Variants in SLC9A2 observed in about 807,000 individuals in gnomAD.
SLC9A2 encodes the protein sodium/hydrogen exchanger 2.
In SLC9A2, 42 loss-of-function variants were observed where a neutral mutation model predicts 71.7. The ratio of observed to expected loss-of-function variants is 0.59; its 90% CI spans 0.46 to 0.76. SLC9A2 has a LOEUF of 0.76. Ranked by LOEUF, SLC9A2 falls within the 30% of genes least tolerant of loss-of-function variation. The pLI is 0.00. For synonymous variants in SLC9A2, 396 were observed against 392.5 expected (o/e 1.01, Z -0.10); for missense variants, 829 against 1,017.4 (o/e 0.81, Z 2.52).
chr2:102,700,360 A>T (rs1412375676), intron 7 of SLC9A2, among the ~76,000 whole-genome samples: 1 of 152,182 alleles, frequency 6.6e-6, no homozygotes, highest in African/African-American at 2.4e-5. Flanking sequence ...GAGTGGCGGT[A>T]TGAAAGAGGA....
intron 11 of SLC9A2, 132 bp from the exon 12 acceptor site, chr2:102,707,987 A>G: frequency 2.1e-6 from 2 of 951,256 alleles, no homozygotes; most frequent in South Asian, 3.2e-5. Flanking sequence ...TAAAATTAGC[A>G]TAAGCCTGCT....
intron 1 of SLC9A2, among the ~76,000 whole-genome samples, chr2:102,652,412 A>G (rs917957523): frequency 1.3e-5 from 2 of 152,018 alleles, no homozygotes; most frequent in South Asian, 2.1e-4. Context: ...CAGGCCAGTC[A>G]TGCACCTCTT....
At chr2:102,636,152 T>C (rs1283507640) in intron 1 of SLC9A2, among the ~76,000 whole-genome samples, 1 of 152,186 alleles carries the variant, frequency 6.6e-6, no homozygotes, top group Non-Finnish European at 1.5e-5. Context: ...TCCCAATACA[T>C]ACTCATTGAA....
chr2:102,665,346 A>G lies in SLC9A2; in HGVS notation c.1000A>G (p.Met334Val). ...TGAAATGTTTCACCTCTCAGGCATC[A>G]TGGCGTAAGTACTTCTTTGTTAAAA... The part of the protein sequence containing the change: ...TAEMFHLSGI[M>V]AITACAMTMN... Residue 334 changes from methionine to valine, a missense_variant, in exon 3 of 12, where the codon ATG becomes GTG. Physicochemically the swap from Met to Val is conservative, Grantham distance 21 (BLOSUM62 1). Around this residue, in one of 3 missense-constraint regions of SLC9A2, gnomAD observed 500 missense variants for 726.3 expected, o/e 0.69. Transcript: ENST00000233969. 1 of 1,611,634 alleles carries G rather than the reference A, an allele frequency of 6.2e-7. No individual in the cohort carries two copies. The highest frequency in any genetic ancestry group is 8.5e-7 in the Non-Finnish European group (1 of 1,177,964).
In SLC9A2 at chr2:102,665,332, A is replaced by G; in HGVS notation, c.986A>G (p.His329Arg). ...TCCTACATCACAGCTGAAATGTTTC[A>G]CCTCTCAGGCATCATGGCGTAAGTA... ...YLSYITAEMF[H>R]LSGIMAITAC... Residue 329 changes from histidine to arginine, a missense_variant, in exon 3 of 12, where the codon CAC becomes CGC. By Grantham distance (29) the His-to-Arg change is conservative. This residue lies in a region of SLC9A2 where 500 missense variants were observed against 726.3 expected (regional missense o/e 0.69). Coordinates refer to ENST00000233969, the MANE Select transcript of SLC9A2 (RefSeq NM_003048.6). 6.2e-7 allele frequency: 1 copy of G among 1,612,774 alleles called. No homozygotes were observed. The highest frequency in any genetic ancestry group is 8.5e-7 in the Non-Finnish European group (1 of 1,179,038).
chr2:102,636,669 C>T (rs7567133), intron 1 of SLC9A2, among the ~76,000 whole-genome samples: 203 of 152,146 alleles, frequency 1.3e-3, no homozygotes, highest in Non-Finnish European at 2.2e-3. Context: ...GTTGAGAGAA[C>T]GATAAATCCT....
chr2:102,696,125 G>C (rs567060451), intron 7 of SLC9A2, among the ~76,000 whole-genome samples: 1 of 152,000 alleles, frequency 6.6e-6, no homozygotes, highest in Non-Finnish European at 1.5e-5. Flanking sequence ...AGCTCATCAC[G>C]TACCTCTCTT....
chr2:102,698,186 C>T (rs1035653713), intron 7 of SLC9A2, among the ~76,000 whole-genome samples: 3 of 152,012 alleles, frequency 2.0e-5, no homozygotes, highest in Admixed American at 1.3e-4. Flanking sequence ...ACATAAAACT[C>T]CAATTAAAAG....
chr2:102,703,041 C>T (rs1440901737), intron 9 of SLC9A2, among the ~76,000 whole-genome samples: 3 of 152,184 alleles, frequency 2.0e-5, no homozygotes, highest in East Asian at 3.9e-4. Context: ...TTACTGTTGT[C>T]GCCATTTCAC....
At chr2:102,657,184 T>C (rs968368734) in intron 1 of SLC9A2, among the ~76,000 whole-genome samples, 11 of 150,570 alleles carry the variant, frequency 7.3e-5, no homozygotes, top group Admixed American at 2.0e-4. Context: ...CCAGCCCAGG[T>C]GACAGAGCAA....
intron 1 of SLC9A2, among the ~76,000 whole-genome samples, 175 bp downstream of exon 1, chr2:102,620,312 C>T (rs1676110200): frequency 6.6e-6 from 1 of 152,120 alleles, no homozygotes; most frequent in African/African-American, 2.4e-5. Context: ...AGAGCAGTTT[C>T]GCGTTTTGGT....
rs747380098 is a variant in SLC9A2 at position 102,708,241 on chromosome 2, T to C, written c.2191T>C (p.Trp731Arg). Reference protein sequence around the residue: ...KKSPQSYKMEWKNEVDVDSGR... With the variant: ...KKSPQSYKMERKNEVDVDSGR... ...ATCCCCCCAGTCCTATAAAATGGAA[T>C]GGAAGAATGAGGTAGATGTTGATTC... The change falls in exon 12 of 12, where the codon TGG (tryptophan) becomes CGG (arginine). Residue 731 changes from tryptophan (W) to arginine (R), a missense_variant. Around this residue, in one of 3 missense-constraint regions of SLC9A2, gnomAD observed 223 missense variants for 197.5 expected, o/e 1.13. Transcript: ENST00000233969. 12 of 1,614,030 alleles carry C rather than the reference T, an allele frequency of 7.4e-6. No homozygotes were observed. The South Asian group carries it at 1.3e-4, about 18-fold the overall frequency.
Position 102,657,591 on chromosome 2 carries a change from C to T in SLC9A2, c.317C>T (p.Thr106Ile), listed in dbSNP as rs1267249978. ...IGFHLYHKLP[T>I]IVPESCLLIM... ...TTCCATCTGTATCACAAGTTGCCCA[C>T]AATAGTGCCTGAGAGCTGCCTTCTT... Residue 106 changes from threonine to isoleucine, a missense_variant, in exon 2 of 12, where the codon ACA (threonine) becomes ATA (isoleucine). Thr to Ile is a moderately conservative substitution (Grantham distance 89). This residue lies in a region of SLC9A2 where 500 missense variants were observed against 726.3 expected (regional missense o/e 0.69). Transcript: ENST00000233969. The T allele has an allele frequency of 6.2e-7, 1 of 1,612,644 alleles. No individual in the cohort carries two copies. The highest frequency in any genetic ancestry group is 8.5e-7 in the Non-Finnish European group (1 of 1,179,124).
At chr2:102,668,906 A>G (rs17027666) in intron 3 of SLC9A2, among the ~76,000 whole-genome samples, 3,722 of 152,308 alleles carry the variant, frequency 0.024, 165 homozygotes, top group African/African-American at 0.085. Context: ...AGCCTGTTCT[A>G]GACGGATGTC....
At chr2:102,678,724 T>C (rs1455408680) in intron 3 of SLC9A2, among the ~76,000 whole-genome samples, 3 of 152,230 alleles carry the variant, frequency 2.0e-5, no homozygotes, top group African/African-American at 4.8e-5. Context: ...AGTCCGGTAC[T>C]ATCTTGCATC....
intron 1 of SLC9A2, among the ~76,000 whole-genome samples, chr2:102,634,287 A>G (rs1264910840): frequency 6.6e-6 from 1 of 152,156 alleles, no homozygotes; most frequent in Non-Finnish European, 1.5e-5. Flanking sequence ...TAGTGTATAT[A>G]CTATTATTGG....
intron 9 of SLC9A2, 146 bp from the exon 10 acceptor site, chr2:102,704,398 A>C (rs978527213): frequency 1.8e-6 from 1 of 556,212 alleles, no homozygotes; most frequent in African/African-American, 1.9e-5. Context: ...TATACTGTTA[A>C]TTTAATTTTT....
chr2:102,662,903 C>T (rs1482612759), intron 2 of SLC9A2, among the ~76,000 whole-genome samples: 7 of 152,140 alleles, frequency 4.6e-5, no homozygotes, highest in African/African-American at 1.7e-4. Flanking sequence ...CTCCTAGGTG[C>T]AGGCTGGAGG....
At chr2:102,670,362 A>G (rs1174958471) in intron 3 of SLC9A2, among the ~76,000 whole-genome samples, 1 of 152,042 alleles carries the variant, frequency 6.6e-6, no homozygotes, top group African/African-American at 2.4e-5. Context: ...ATAATTCCTT[A>G]GTATTTCTTT....
Sources: gnomAD v4.1 joint callset for allele counts (sites outside exome capture counted in the v4.1 genomes callset) on GRCh38, gnomAD v4.1.1 for gene constraint, gnomAD v4.1.1 regional missense constraint, MANE v1.5 for transcripts, NCBI Gene and HGNC (gene_info 2026-07-23, HGNC 2026-07-21) for gene names.